CST4: variants seen among roughly 807,000 people sequenced by gnomAD.
CST4 encodes cystatin-S.
Under a neutral mutation model 11.2 loss-of-function variants are expected in CST4, and 17 were observed. The observed-to-expected ratio is 1.52, with a 90% CI of 1.04 to 2.27. The LOEUF (loss-of-function observed/expected upper bound fraction) is 2.27. CST4 is among the 30% of genes most tolerant of loss of function. The probability of loss-of-function intolerance (pLI) is 0.00; values close to 1 mark genes in which losing one functional copy is unlikely to be tolerated. For synonymous variants in CST4, 93 were observed against 70.1 expected (o/e 1.33, Z -1.63); for missense variants, 251 against 180.2 (o/e 1.39, Z -2.25).
At chr20:23,686,488 C>T (rs1981045575) in intron 2 of CST4, among the ~76,000 whole-genome samples, 2 of 152,066 alleles carry the variant, frequency 1.3e-5, no homozygotes, top group Admixed American at 1.3e-4. Context: ...TTGGGTGAGC[C>T]GGGCAGGTCC....
At position 23,685,854 on chromosome 20, in the gene CST4, G is replaced by A; in HGVS notation, c.*40C>T. 1 of 1,602,118 alleles carries A rather than the reference G, an allele frequency of 6.2e-7. No individual in the cohort carries two copies. Among genetic ancestry groups the A allele is most frequent in the East Asian group, 2.2e-5 (1 of 44,814 alleles). On this transcript the variant is annotated 3_prime_UTR_variant, in exon 3 of 3. Transcript: ENST00000217423. Reference sequence around the variant, plus strand: ...GGGGTGGGAGCACTACAGTGGGTGGGAGTGGGTGGTGGTCGGTGTGACTGG... The same window carrying A: ...GGGGTGGGAGCACTACAGTGGGTGGAAGTGGGTGGTGGTCGGTGTGACTGG...
chr20:23,688,810 C>A lies in CST4; in HGVS notation c.160G>T (p.Glu54Ter). 1 of 1,614,154 alleles carries A rather than the reference C, an allele frequency of 6.2e-7. No individual in the cohort carries two copies. Among genetic ancestry groups the A allele is most frequent in the Non-Finnish European group, 8.5e-7 (1 of 1,180,022 alleles). The change falls in exon 1 of 3, where the codon GAG becomes TAG. Residue 54 changes from glutamate (E) to a stop codon, truncating the protein, a stop_gained. Transcript: ENST00000217423. LOFTEE classifies it high-confidence loss of function. ...TCATCTTCGGTGGCCTTGTTGTACT[C>A]GCTGATGGCGAAGTGAAGGGCACGC... ...VQRALHFAIS[E>*]YNKATEDEYY...
At chr20:23,686,979 C>T (rs1214481197) in intron 2 of CST4, 109 bp downstream of exon 2, 4 of 1,325,242 alleles carry the variant, frequency 3.0e-6, no homozygotes, top group Non-Finnish European at 4.3e-6. Context: ...CGGCTCCCCA[C>T]ATACCCACCT....
At chr20:23,688,359 C>T (rs190982992) in intron 1 of CST4, among the ~76,000 whole-genome samples, 42 of 152,306 alleles carry the variant, frequency 2.8e-4, no homozygotes, top group African/African-American at 9.1e-4. Context: ...GAGCCAGGTT[C>T]CCATGTGGCC....
At chr20:23,687,293 C>G in intron 1 of CST4, 92 bp from the exon 2 acceptor site, 1 of 1,040,062 alleles carries the variant, frequency 9.6e-7, no homozygotes, top group Non-Finnish European at 1.5e-6. Flanking sequence ...ACTGGACTTG[C>G]TTGGGGGCTT....
intron 1 of CST4, 33 bp downstream of exon 1, chr20:23,688,709 G>GCT (rs1218153604): frequency 6.2e-7 from 1 of 1,607,068 alleles, no homozygotes; most frequent in Non-Finnish European, 8.5e-7. Context: ...CCAGGCTAGG[G>GCT]CTCAGGACCC....
At chr20:23,687,243 T>C (rs778946238) in intron 1 of CST4, 42 bp from the exon 2 acceptor site, 2 of 1,607,594 alleles carry the variant, frequency 1.2e-6, no homozygotes, top group Non-Finnish European at 1.7e-6. Flanking sequence ...AGCGCCCCCA[T>C]CAGTTCATGC....
chr20:23,686,323 C>T (rs1351262522), intron 2 of CST4, among the ~76,000 whole-genome samples: 2 of 152,140 alleles, frequency 1.3e-5, no homozygotes, highest in Non-Finnish European at 2.9e-5. Flanking sequence ...CCTCCAGCAC[C>T]CAGGCCAGCA....
chr20:23,687,143 T>C lies in CST4; in HGVS notation c.287A>G (p.Lys96Arg), dbSNP rs1252643391. ...ACAGGTGTCCAAGTTGGGCTGGGAC[T>C]TGGTACATATGGTGCGGCCCACCTC... ...DVEVGRTICT[K>R]SQPNLDTCAF... Residue 96 changes from lysine to arginine, a missense_variant, in exon 2 of 3, where the codon AAG (lysine) becomes AGG (arginine). Coordinates refer to ENST00000217423, the MANE Select transcript of CST4 (RefSeq NM_001899.3). 1 of 1,614,130 alleles carries C rather than the reference T, an allele frequency of 6.2e-7. No individual in the cohort carries two copies. Among genetic ancestry groups the C allele is most frequent in the Admixed American group, 1.7e-5 (1 of 60,014 alleles).
At chr20:23,688,055 A>G (rs957985210) in intron 1 of CST4, among the ~76,000 whole-genome samples, 1 of 152,130 alleles carries the variant, frequency 6.6e-6, no homozygotes, top group Admixed American at 6.5e-5. Context: ...CTGTGTCACT[A>G]TTTGCTGCTC....
At chr20:23,687,617 G>A (rs560466642) in intron 1 of CST4, among the ~76,000 whole-genome samples, 1 of 152,224 alleles carries the variant, frequency 6.6e-6, no homozygotes, top group Non-Finnish European at 1.5e-5. Context: ...GGGCCGCCCA[G>A]ATGCCACCAT....
chr20:23,687,159 G>C lies in CST4; in HGVS notation c.271C>G (p.Arg91Gly). Reference sequence around the variant, plus strand: ...GGCTGGGACTTGGTACATATGGTGCGGCCCACCTCTACGTCGAAGAAGTAA... The same window carrying C: ...GGCTGGGACTTGGTACATATGGTGCCGCCCACCTCTACGTCGAAGAAGTAA... ...VNYFFDVEVG[R>G]TICTKSQPNL... The change falls in exon 2 of 3, where the codon CGC (arginine) becomes GGC (glycine). Residue 91 changes from arginine to glycine, a missense_variant. Coordinates refer to ENST00000217423, the MANE Select transcript of CST4 (RefSeq NM_001899.3). 6.2e-7 allele frequency: 1 copy of C among 1,614,046 alleles called. No homozygotes were observed. The highest frequency in any genetic ancestry group is 8.5e-7 in the Non-Finnish European group (1 of 1,180,016).
chr20:23,688,704 C>G (rs746617642), intron 1 of CST4, 38 bp downstream of exon 1: 3 of 1,603,062 alleles, frequency 1.9e-6, no homozygotes, highest in Non-Finnish European at 2.6e-6. Context: ...ACAAACCAGG[C>G]TAGGGCTCAG....
At chr20:23,688,711 T>A (rs1468292654) in intron 1 of CST4, 31 bp downstream of exon 1, 3 of 1,609,678 alleles carry the variant, frequency 1.9e-6, no homozygotes, top group Non-Finnish European at 2.6e-6. Context: ...AGGCTAGGGC[T>A]CAGGACCCCT....
chr20:23,687,235 C>A (rs754851855), intron 1 of CST4, 34 bp from the exon 2 acceptor site: 2 of 1,611,556 alleles, frequency 1.2e-6, no homozygotes, highest in African/African-American at 2.7e-5. Context: ...GCACGGACAG[C>A]GCCCCCATCA....
rs1212976197 is a variant in CST4, at chr20:23,687,170, A to T, written c.260T>A (p.Val87Glu). Residue 87 changes from valine to glutamate, a missense_variant, in exon 2 of 3, where the codon GTA (valine) becomes GAA (glutamate). By Grantham distance (121) the Val-to-Glu change is moderately radical. Transcript: ENST00000217423. ...GGTACATATGGTGCGGCCCACCTCT[A>T]CGTCGAAGAAGTAATTCACCCCCCC... Reference protein sequence around the residue: ...TFGGVNYFFDVEVGRTICTKS... With the variant: ...TFGGVNYFFDEEVGRTICTKS... The T allele has an allele frequency of 1.2e-6, 2 of 1,613,954 alleles. No homozygotes were observed. Among genetic ancestry groups the T allele is most frequent in the Non-Finnish European group, 8.5e-7 (1 of 1,180,022 alleles).
intron 1 of CST4, among the ~76,000 whole-genome samples, chr20:23,687,740 C>T (rs548290065): frequency 3.3e-5 from 5 of 152,306 alleles, no homozygotes; most frequent in East Asian, 1.9e-4. Flanking sequence ...CCAGACACTA[C>T]GTGGCAGAGC....
At position 23,685,699 on chromosome 20, in the gene CST4, T is replaced by C; in HGVS notation, c.*195A>G. The stretch of plus-strand genomic sequence containing the variant: ...TGTGTGTACCATGTACCAGGTCTAT[T>C]AGAAGCAAGAAGGAAGGAGGGAGGG... On this transcript the variant is annotated 3_prime_UTR_variant, in exon 3 of 3. Coordinates refer to ENST00000217423, the MANE Select transcript of CST4 (RefSeq NM_001899.3). The C allele has an allele frequency of 1.6e-6, 1 of 611,408 alleles. No individual in the cohort carries two copies. Among genetic ancestry groups the C allele is most frequent in the African/African-American group, 1.8e-5 (1 of 54,054 alleles). 37.9% of individuals were successfully genotyped at this position (611,408 alleles called of 1,614,324 possible). A position where few individuals can be genotyped will look rare whatever the true frequency, so the allele number is the denominator to read the frequency against.
intron 2 of CST4, 69 bp downstream of exon 2, chr20:23,687,019 G>C (rs1981066195): frequency 1.3e-6 from 2 of 1,597,382 alleles, no homozygotes; most frequent in South Asian, 2.2e-5. Context: ...ACATGGGTAG[G>C]ACAGAGGCTG....
Sources: allele counts gnomAD v4.1 joint callset (sites outside exome capture counted in the v4.1 genomes callset), GRCh38; gene constraint gnomAD v4.1.1; transcripts MANE v1.5; gene names NCBI Gene and HGNC (gene_info 2026-07-23, HGNC 2026-07-21).